JAZF1: variants seen among roughly 807,000 people sequenced by gnomAD.
The protein encoded by JAZF1 is juxtaposed with another zinc finger protein 1.
JAZF1 carries 8 observed loss-of-function variants against 26.4 expected under a neutral mutation model. The ratio of observed to expected loss-of-function variants is 0.30; its 90% confidence interval spans 0.18 to 0.55. JAZF1 has a LOEUF of 0.55. Ranked by LOEUF, JAZF1 falls within the 20% of genes least tolerant of loss-of-function variation. The pLI, the probability that JAZF1 is intolerant of heterozygous loss-of-function variation, is 0.94. For missense variants in JAZF1, 199 were observed against 322.0 expected, an observed-to-expected ratio of 0.62 and a Z score of 2.92; for synonymous variants, 126 against 122.3, an observed-to-expected ratio of 1.03 and a Z score of -0.20.
At chr7:28,042,677 G>A (rs1783414031) in intron 1 of JAZF1, among the ~76,000 whole-genome samples, 1 of 152,086 alleles carries the variant, frequency 6.6e-6, no homozygotes, top group African/African-American at 2.4e-5. Flanking sequence ...ACGTGATGGT[G>A]GTCCCATAAG....
chr7:27,874,798 C>T (rs956751463), intron 3 of JAZF1, among the ~76,000 whole-genome samples: 3 of 152,094 alleles, frequency 2.0e-5, no homozygotes, highest in African/African-American at 7.2e-5. Flanking sequence ...TGCCTTGGGC[C>T]CTGGGTGGGA....
Position 27,931,925 on chromosome 7 carries a change from A to G in JAZF1, c.189-36509T>C, listed in dbSNP as rs1784694216. Among the ~76,000 whole-genome samples the G allele has an allele frequency of 3.3e-5, 5 of 152,106 alleles. No individual in the cohort carries two copies. In the South Asian group the frequency reaches 1.0e-3, roughly 32 times the overall value. ...GAGACCCTGTCTCGAAAAAATAAAT[A>G]AATAAAAAATAAAAAAATTAAAAAA... On this transcript the variant is annotated intron_variant, in intron 2 of 4. Transcript: ENST00000283928.
At position 28,157,092 on chromosome 7, in the gene JAZF1, T is replaced by C. The variant is rs141951350; in HGVS notation, c.115+23371A>G. On this transcript the variant is annotated intron_variant, in intron 1 of 4. Coordinates refer to ENST00000283928, the MANE Select transcript of JAZF1 (RefSeq NM_175061.4). ...ACAGCCCCTGTGGTGGTCTGCTCAA[T>C]GTAACTCAATCTCCTCTCTCCTTCC... Among the ~76,000 whole-genome samples, 205 of 152,352 alleles carry C rather than the reference T, an allele frequency of 1.3e-3. 1 individual carries two copies. The highest frequency in any genetic ancestry group is 4.6e-3 in the African/African-American group (190 of 41,592).
intron 3 of JAZF1, among the ~76,000 whole-genome samples, chr7:27,881,595 T>TA (rs1013980823): frequency 1.3e-5 from 2 of 152,106 alleles, no homozygotes; most frequent in African/African-American, 4.8e-5. Context: ...AGTAACCATT[T>TA]AAAAGGGTGG....
intron 2 of JAZF1, among the ~76,000 whole-genome samples, chr7:27,920,947 CTTAA>C (rs959749789): frequency 1.3e-5 from 2 of 152,280 alleles, no homozygotes; most frequent in Admixed American, 1.3e-4. Context: ...AATCATGCCA[CTTAA>C]TTAAGTCTTA....
chr7:27,857,100 CA>C (rs981292672), intron 3 of JAZF1, among the ~76,000 whole-genome samples: 4 of 152,226 alleles, frequency 2.6e-5, no homozygotes. Context: ...CGCCGTGGAG[CA>C]GGGGGCGGCG....
At chr7:28,151,006 T>C (rs1023213520) in intron 1 of JAZF1, among the ~76,000 whole-genome samples, 16 of 152,062 alleles carry the variant, frequency 1.1e-4, no homozygotes, top group Non-Finnish European at 1.5e-5. Flanking sequence ...CAATACAAAT[T>C]ATACATAATA....
chr7:28,095,918 T>A (rs991418959), intron 1 of JAZF1, among the ~76,000 whole-genome samples: 1 of 152,236 alleles, frequency 6.6e-6, no homozygotes, highest in African/African-American at 2.4e-5. Flanking sequence ...CTCACACGGC[T>A]GAGACGGAGA....
At chr7:27,868,385 G>A (rs1252855747) in intron 3 of JAZF1, among the ~76,000 whole-genome samples, 1 of 152,210 alleles carries the variant, frequency 6.6e-6, no homozygotes, top group Non-Finnish European at 1.5e-5. Context: ...TCCCTGTGGG[G>A]TTGACTGCCG....
At chr7:27,941,093 C>T (rs1476774373) in intron 2 of JAZF1, among the ~76,000 whole-genome samples, 2 of 152,176 alleles carry the variant, frequency 1.3e-5, no homozygotes, top group African/African-American at 2.4e-5. Flanking sequence ...AAATTAGGCA[C>T]GCCTTCAAGA....
chr7:27,915,278 A>G (rs889040683), intron 2 of JAZF1, among the ~76,000 whole-genome samples: 1 of 152,202 alleles, frequency 6.6e-6, no homozygotes, highest in African/African-American at 2.4e-5. Context: ...GCTGTAATAA[A>G]TCACCAAATT....
At chr7:27,929,359 G>C (rs1784650297) in intron 2 of JAZF1, among the ~76,000 whole-genome samples, 1 of 152,210 alleles carries the variant, frequency 6.6e-6, no homozygotes, top group Admixed American at 6.5e-5. Context: ...AGATCTGGTG[G>C]CCAGCAGGCC....
At chr7:27,904,229 T>C (rs904709967) in intron 2 of JAZF1, among the ~76,000 whole-genome samples, 3 of 152,212 alleles carry the variant, frequency 2.0e-5, no homozygotes, top group Admixed American at 1.3e-4. Context: ...CATGCAACCA[T>C]GTGTGGCCCA....
At chr7:28,067,699 G>A (rs1462743601) in intron 1 of JAZF1, among the ~76,000 whole-genome samples, 1 of 152,222 alleles carries the variant, frequency 6.6e-6, no homozygotes, top group Admixed American at 6.5e-5. Flanking sequence ...ACCAAGTAGG[G>A]CAATTTCGTT....
chr7:27,904,554 G>A (rs1198071779), intron 2 of JAZF1, among the ~76,000 whole-genome samples: 1 of 152,144 alleles, frequency 6.6e-6, no homozygotes, highest in African/African-American at 2.4e-5. Context: ...AAAGTTTCTA[G>A]TAATGCTTTA....
At chr7:27,838,235 A>C (rs1436280900) in intron 4 of JAZF1, among the ~76,000 whole-genome samples, 1 of 152,124 alleles carries the variant, frequency 6.6e-6, no homozygotes, top group African/African-American at 2.4e-5. Context: ...GTTAGAGAGA[A>C]TCTGTTGCAA....
At chr7:28,120,130 C>T (rs1192243591) in intron 1 of JAZF1, among the ~76,000 whole-genome samples, 1 of 151,960 alleles carries the variant, frequency 6.6e-6, no homozygotes, top group Non-Finnish European at 1.5e-5. Flanking sequence ...TGCAACAGCA[C>T]TTATCTTATC....
intron 2 of JAZF1, among the ~76,000 whole-genome samples, chr7:27,965,828 T>A (rs1785265854): frequency 6.6e-6 from 1 of 152,230 alleles, no homozygotes. Flanking sequence ...TCAATTTAAC[T>A]TCTGAAGTTT....
At chr7:28,076,684 A>G (rs1186498626) in intron 1 of JAZF1, among the ~76,000 whole-genome samples, 1 of 150,060 alleles carries the variant, frequency 6.7e-6, no homozygotes, top group Non-Finnish European at 1.5e-5. Context: ...CGGTTTGCTT[A>G]CACAATTGCT....
Sources: gnomAD v4.1 joint callset for allele counts (sites outside exome capture counted in the v4.1 genomes callset) on GRCh38, gnomAD v4.1.1 for gene constraint, MANE v1.5 for transcripts, NCBI Gene and HGNC (gene_info 2026-07-23, HGNC 2026-07-21) for gene names.